The following ALCAM variants were observed in gnomAD, a reference collection of about 807,000 sequenced individuals.
ALCAM encodes activated leukocyte cell adhesion molecule, also known as CD166 antigen.
A neutral mutation model predicts 70.9 loss-of-function variants in ALCAM; 30 were observed. The ratio of observed to expected loss-of-function variants is 0.42; its 90% CI spans 0.32 to 0.57. ALCAM has a LOEUF of 0.57. Ranked by LOEUF, ALCAM falls within the 20% of genes least tolerant of loss-of-function variation. The pLI is 0.11. For synonymous variants in ALCAM, 249 were observed against 242.5 expected, an observed-to-expected ratio of 1.03 and a Z score of -0.25; for missense variants, 591 against 695.1, an observed-to-expected ratio of 0.85 and a Z score of 1.68.
chr3:105,393,952 T>C (rs1189481824), intron 1 of ALCAM, among the ~76,000 whole-genome samples: 2 of 151,952 alleles, frequency 1.3e-5, no homozygotes, highest in Non-Finnish European at 2.9e-5. Flanking sequence ...CACTCAAATA[T>C]AGATAATTGC....
intron 1 of ALCAM, among the ~76,000 whole-genome samples, chr3:105,467,949 G>A (rs73185137): frequency 0.19 from 28,119 of 150,830 alleles, 2,754 homozygotes; most frequent in East Asian, 0.37. Flanking sequence ...ACTGAAAATG[G>A]GAATCAGATT....
intron 1 of ALCAM, among the ~76,000 whole-genome samples, chr3:105,442,900 G>A (rs969125694): frequency 2.0e-5 from 3 of 152,124 alleles, no homozygotes; most frequent in Non-Finnish European, 2.9e-5. Context: ...AGTGAGTATA[G>A]CTCACTGCAG....
Position 105,367,535 on chromosome 3 carries a change from C to G in ALCAM, c.73+54C>G, listed in dbSNP as rs554550620. Reference sequence around the variant, plus strand: ...ACAGACGTGGGCCTGGAGCAGTTTCCTAGGTCCCCGTCCCAGCCTCGCACC... The same window carrying G: ...ACAGACGTGGGCCTGGAGCAGTTTCGTAGGTCCCCGTCCCAGCCTCGCACC... On this transcript the variant is annotated intron_variant, in intron 1 of 15. Coordinates refer to ENST00000306107, the MANE Select transcript of ALCAM (RefSeq NM_001627.4). 2.6e-5 allele frequency: 41 copies of G among 1,602,616 alleles called. 1 individual carries two copies. In the South Asian group the frequency reaches 4.4e-4, roughly 17 times the overall value.
chr3:105,432,010 G>A (rs1433532080), intron 1 of ALCAM, among the ~76,000 whole-genome samples: 1 of 152,074 alleles, frequency 6.6e-6, no homozygotes, highest in Non-Finnish European at 1.5e-5. Flanking sequence ...TAATGAACAG[G>A]TCTGAAAAAA....
chr3:105,466,585 C>T (rs1937744240), intron 1 of ALCAM, among the ~76,000 whole-genome samples: 1 of 151,194 alleles, frequency 6.6e-6, no homozygotes, highest in Non-Finnish European at 1.5e-5. Context: ...CAGGATGTGG[C>T]CCAAAGGTTA....
intron 1 of ALCAM, among the ~76,000 whole-genome samples, chr3:105,385,832 A>C (rs1935637687): frequency 6.6e-6 from 1 of 151,690 alleles, no homozygotes; most frequent in South Asian, 2.1e-4. Context: ...AGTCTAAAGA[A>C]TGTTACTTAA....
intron 1 of ALCAM, among the ~76,000 whole-genome samples, chr3:105,405,872 T>A (rs550900382): frequency 1.3e-5 from 2 of 152,250 alleles, no homozygotes; most frequent in African/African-American, 4.8e-5. Context: ...ATAGTGACAC[T>A]GTTCCCGGAC....
chr3:105,481,678 G>T (rs1251528106), intron 1 of ALCAM, among the ~76,000 whole-genome samples: 1 of 152,172 alleles, frequency 6.6e-6, no homozygotes, highest in Non-Finnish European at 1.5e-5. Flanking sequence ...AGGAGATTTT[G>T]TTGGTTGAAT....
intron 1 of ALCAM, among the ~76,000 whole-genome samples, chr3:105,368,670 C>G (rs1935145303): frequency 6.6e-6 from 1 of 152,144 alleles, no homozygotes; most frequent in African/African-American, 2.4e-5. Context: ...GAATCTCTCC[C>G]AGGAACTGGC....
rs974857203 is a variant in ALCAM, at chr3:105,367,168, C to T, written c.-241C>T. On this transcript the variant is annotated 5_prime_UTR_variant, in exon 1 of 16. Transcript: ENST00000306107. ...GGGTCGTTGTCCCCGGAGGAGCAGC[C>T]GAAGGGCCCGTGGGCTGGTGTTGAC... The T allele has an allele frequency of 3.7e-6, 2 of 536,228 alleles. No individual in the cohort carries two copies. The highest frequency in any genetic ancestry group is 3.4e-6 in the Non-Finnish European group (1 of 296,308). The allele number at this position is 536,228 out of a possible 1,614,324, so 33.2% of individuals were successfully genotyped here.
At chr3:105,563,736 G>A (rs1431244202) in intron 14 of ALCAM, among the ~76,000 whole-genome samples, 5 of 120,150 alleles carry the variant, frequency 4.2e-5, no homozygotes, top group Admixed American at 1.2e-4. Context: ...GCCGGACTGC[G>A]GACTGCAGTG....
intron 14 of ALCAM, among the ~76,000 whole-genome samples, chr3:105,571,284 A>G (rs997670515): frequency 1.3e-5 from 2 of 151,966 alleles, no homozygotes; most frequent in African/African-American, 4.8e-5. Context: ...TGGTCTGGGG[A>G]CCATAATTTG....
chr3:105,443,534 A>G (rs1258566153), intron 1 of ALCAM, among the ~76,000 whole-genome samples: 1 of 152,240 alleles, frequency 6.6e-6, no homozygotes, highest in Non-Finnish European at 1.5e-5. Context: ...GAATTCATTA[A>G]TAAAAAGTAT....
intron 6 of ALCAM, among the ~76,000 whole-genome samples, chr3:105,536,559 C>T (rs143890698): frequency 1.4e-4 from 22 of 152,200 alleles, no homozygotes; most frequent in East Asian, 1.2e-3. Context: ...GTTGGGTAGA[C>T]GGAGAAGTTC....
chr3:105,572,808 A>G (rs1054072991), intron 15 of ALCAM, among the ~76,000 whole-genome samples: 4 of 152,176 alleles, frequency 2.6e-5, no homozygotes, highest in Non-Finnish European at 5.9e-5. Flanking sequence ...ATGGAAACTT[A>G]CCAGTTTCCC....
chr3:105,574,010 A>C (rs951652892), intron 15 of ALCAM, among the ~76,000 whole-genome samples: 2 of 152,192 alleles, frequency 1.3e-5, no homozygotes, highest in Non-Finnish European at 2.9e-5. Flanking sequence ...TTGGAGGTCA[A>C]GTATGCAGCA....
At position 105,367,309 on chromosome 3, in the gene ALCAM, G is replaced by A; in HGVS notation, c.-100G>A. ...GTGTCTGGGAGAAGACGCTGCCCCT[G>A]CGTCGGGACCCGCCAGCGCGCGGGC... On this transcript the variant is annotated 5_prime_UTR_variant, in exon 1 of 16. Coordinates refer to ENST00000306107, the MANE Select transcript of ALCAM (RefSeq NM_001627.4). 8.3e-7 allele frequency: 1 copy of A among 1,197,646 alleles called. No homozygotes were observed. The highest frequency in any genetic ancestry group is 1.2e-6 in the Non-Finnish European group (1 of 827,152). The allele number at this position is 1,197,646 out of a possible 1,614,324, so 74.2% of individuals were successfully genotyped here.
chr3:105,475,160 TC>T (rs1389260728), intron 1 of ALCAM, among the ~76,000 whole-genome samples: 2 of 152,052 alleles, frequency 1.3e-5, no homozygotes, highest in East Asian at 3.9e-4. Flanking sequence ...GCTTACATTG[TC>T]AATAGGCTAA....
chr3:105,428,384 A>G (rs916973547), intron 1 of ALCAM, among the ~76,000 whole-genome samples: 1 of 151,848 alleles, frequency 6.6e-6, no homozygotes, highest in Admixed American at 6.6e-5. Flanking sequence ...ATTTGAAAAG[A>G]TTTTTCTAAA....
Sources: allele counts gnomAD v4.1 joint callset (sites outside exome capture counted in the v4.1 genomes callset), GRCh38; gene constraint gnomAD v4.1.1; transcripts MANE v1.5; gene names NCBI Gene and HGNC (gene_info 2026-07-23, HGNC 2026-07-21).